The following FHIP1A variants were observed in gnomAD, a reference collection of about 807,000 sequenced individuals.
FHIP1A encodes FHF complex subunit HOOK-interacting protein 1A.
A neutral mutation model predicts 88.6 loss-of-function variants in FHIP1A; 61 were observed. That is an observed-to-expected ratio of 0.69 (90% CI 0.56 to 0.85). The LOEUF is 0.85. Among genes scored for constraint, FHIP1A ranks in the 40% least tolerant of loss-of-function variants. The pLI, the probability that FHIP1A is intolerant of heterozygous loss-of-function variation, is 0.00. For missense variants in FHIP1A, 1,154 were observed against 1,273.5 expected, an observed-to-expected ratio of 0.91 and a Z score of 1.43; for synonymous variants, 478 against 496.0, an observed-to-expected ratio of 0.96 and a Z score of 0.48.
intron 7 of FHIP1A, among the ~76,000 whole-genome samples, chr4:151,602,766 T>G (rs985639706): frequency 1.3e-5 from 2 of 152,094 alleles, no homozygotes; most frequent in African/African-American, 4.8e-5. Context: ...ATAATGCCGC[T>G]TAGTGTGGAC....
In FHIP1A at chr4:151,656,635, A is replaced by T; in HGVS notation, c.2731-125A>T. 1 of 1,170,002 alleles carries T rather than the reference A, an allele frequency of 8.5e-7. No individual in the cohort carries two copies. The highest frequency in any genetic ancestry group is 1.5e-5 in the African/African-American group (1 of 64,528). The allele number at this position is 1,170,002 out of a possible 1,614,324, so 72.5% of individuals were successfully genotyped here. A position where few individuals can be genotyped will look rare whatever the true frequency, so the allele number is the denominator to read the frequency against. ...CCTACGCAGAACACCCAGGCAGTTA[A>T]AAATGAACAAATGTCTAACATCATA... On this transcript the variant is annotated intron_variant, in intron 12 of 13. Transcript: ENST00000435205. The surrounding 1 kb of genome is among the most constrained non-coding windows in gnomAD (Gnocchi z 4.2).
At chr4:151,568,584 C>G (rs1281253228) in intron 4 of FHIP1A, among the ~76,000 whole-genome samples, 5 of 152,142 alleles carry the variant, frequency 3.3e-5, no homozygotes, top group Non-Finnish European at 7.4e-5. Flanking sequence ...CCAGGCATGT[C>G]GCTGTAGGCA....
intron 7 of FHIP1A, among the ~76,000 whole-genome samples, chr4:151,608,955 C>T (rs1203686094): frequency 6.6e-6 from 1 of 152,148 alleles, no homozygotes; most frequent in Non-Finnish European, 1.5e-5. Flanking sequence ...GAATGTGTTT[C>T]GGCCTCTAAT....
At chr4:151,496,246 T>TA (rs1730456791) in intron 3 of FHIP1A, among the ~76,000 whole-genome samples, 11 of 148,444 alleles carry the variant, frequency 7.4e-5, no homozygotes, top group Non-Finnish European at 8.9e-5. Context: ...TATATATATA[T>TA]TTTTATATAT....
chr4:151,583,651 A>AAG (rs1340428063), intron 5 of FHIP1A, among the ~76,000 whole-genome samples: 1 of 152,224 alleles, frequency 6.6e-6, no homozygotes, highest in African/African-American at 2.4e-5. Context: ...CAGAGCCTCA[A>AAG]AGTGGTTAAG....
rs1231377709 is a variant in FHIP1A at position 151,667,129 on chromosome 4, G to A, written c.*4375G>A. 6.6e-6 allele frequency: 1 copy of A among 152,224 alleles called. No homozygotes were observed. Among genetic ancestry groups the A allele is most frequent in the Non-Finnish European group, 1.5e-5 (1 of 68,054 alleles). 9.4% of individuals were successfully genotyped at this position (152,224 alleles called of 1,614,324 possible). A position where few individuals can be genotyped will look rare whatever the true frequency, so the allele number is the denominator to read the frequency against. On this transcript the variant is annotated 3_prime_UTR_variant, in exon 14 of 14. Transcript: ENST00000435205. ...CTGGCTCAGGCTGGTGTCATGTGTG[G>A]TTTGCTGCAAACGGCAGCCTGCTTT...
At chr4:151,517,298 T>C (rs1441707869) in intron 3 of FHIP1A, among the ~76,000 whole-genome samples, 1 of 151,550 alleles carries the variant, frequency 6.6e-6, no homozygotes, top group Non-Finnish European at 1.5e-5. Flanking sequence ...CTGGGGACTG[T>C]TGTGGGGTTG....
intron 1 of FHIP1A, among the ~76,000 whole-genome samples, chr4:151,411,566 C>T (rs1732648615): frequency 6.6e-6 from 1 of 151,634 alleles, no homozygotes; most frequent in Admixed American, 6.6e-5. Flanking sequence ...CCCAGGCTGC[C>T]CTTGAGCTCC....
Position 151,656,790 on chromosome 4 carries a change from C to T in FHIP1A, c.2761C>T (p.Gln921Ter), listed in dbSNP as rs1402747669. ...TGCATCTGTGAAAAACAAGATTGAA[C>T]AGTTTGCTTCTGTGGAGAGAGACTT... Reference protein sequence around the residue: ...VLASVKNKIEQFASVERDFPG... With the variant: ...VLASVKNKIE Residue 921 changes from glutamine to a stop codon, truncating the protein, a stop_gained, in exon 13 of 14, where the codon CAG becomes TAG. Transcript: ENST00000435205. LOFTEE classifies it high-confidence loss of function. The surrounding 1 kb of genome is among the most constrained non-coding windows in gnomAD (Gnocchi z 4.2). 2 of 1,551,482 alleles carry T rather than the reference C, an allele frequency of 1.3e-6. No individual in the cohort carries two copies. Among genetic ancestry groups the T allele is most frequent in the African/African-American group, 2.7e-5 (2 of 73,032 alleles).
chr4:151,653,677 C>T (rs571114099), intron 11 of FHIP1A, among the ~76,000 whole-genome samples: 14 of 152,126 alleles, frequency 9.2e-5, no homozygotes, highest in East Asian at 3.9e-4. Flanking sequence ...GAGTCCAGAC[C>T]GGAAATGAGA....
At chr4:151,545,612 C>T (rs902125593) in intron 3 of FHIP1A, among the ~76,000 whole-genome samples, 16 of 151,756 alleles carry the variant, frequency 1.1e-4, no homozygotes, top group Admixed American at 3.3e-4. Context: ...CTCCTGACCT[C>T]GTGATCCACC....
intron 1 of FHIP1A, among the ~76,000 whole-genome samples, chr4:151,412,248 G>T (rs577605617): frequency 6.6e-6 from 1 of 152,154 alleles, no homozygotes; most frequent in Non-Finnish European, 1.5e-5. Context: ...GATTACAGGT[G>T]CCCACCACCA....
intron 7 of FHIP1A, among the ~76,000 whole-genome samples, chr4:151,614,195 A>C (rs1268138205): frequency 2.7e-5 from 4 of 149,708 alleles, no homozygotes; most frequent in African/African-American, 9.9e-5. Context: ...AAGGCCAGGC[A>C]TGCTGGCTCA....
intron 2 of FHIP1A, among the ~76,000 whole-genome samples, chr4:151,466,960 A>C (rs895809407): frequency 2.6e-5 from 4 of 152,192 alleles, no homozygotes; most frequent in African/African-American, 9.7e-5. Context: ...AATTGCAACA[A>C]AAGCCAAAAT....
chr4:151,473,416 TCTTCTTAACTTTATAAAG>T (rs1348050533), intron 2 of FHIP1A, among the ~76,000 whole-genome samples: 1 of 151,532 alleles, frequency 6.6e-6, no homozygotes, highest in Non-Finnish European at 1.5e-5. Flanking sequence ...TTGTCATTTT[TCTTCTTAACTTTATAAAG>T]TATAGTATCT....
intron 7 of FHIP1A, among the ~76,000 whole-genome samples, chr4:151,621,503 TGCCGAATGATACATTTAA>T (rs1735742828): frequency 7.2e-6 from 1 of 139,200 alleles, no homozygotes; most frequent in Non-Finnish European, 1.5e-5. Flanking sequence ...TAAATTCCAC[TGCCGAATGATACATTTAA>T]CCCATCAGGG....
chr4:151,541,848 C>T (rs1477642610), intron 3 of FHIP1A, among the ~76,000 whole-genome samples: 4 of 152,154 alleles, frequency 2.6e-5, no homozygotes, highest in Admixed American at 2.6e-4. Context: ...CTCCATGATT[C>T]CTTGCTAATT....
chr4:151,646,182 C>T (rs1305806954), intron 9 of FHIP1A, among the ~76,000 whole-genome samples: 1 of 152,144 alleles, frequency 6.6e-6, no homozygotes. Flanking sequence ...TTAGCTCCCT[C>T]TCAGAGAAGG....
chr4:151,657,281 G>A (rs561762085), intron 13 of FHIP1A, among the ~76,000 whole-genome samples: 2 of 152,288 alleles, frequency 1.3e-5, no homozygotes, highest in South Asian at 4.1e-4. Context: ...AGGAGGGCAT[G>A]TGTTCTCTTT....
Sources: gnomAD v4.1 joint callset for allele counts (sites outside exome capture counted in the v4.1 genomes callset) on GRCh38, gnomAD v4.1.1 for gene constraint, Gnocchi (gnomAD v3.1) non-coding constraint, MANE v1.5 for transcripts, NCBI Gene and HGNC (gene_info 2026-07-23, HGNC 2026-07-21) for gene names.